MAP4: variants seen among roughly 807,000 people sequenced by gnomAD.
The protein encoded by MAP4 is microtubule associated protein 4, also known as microtubule-associated protein 4.
Under a neutral mutation model 170.2 loss-of-function variants are expected in MAP4, and 76 were observed. The observed-to-expected ratio is 0.45, with a 90% CI of 0.37 to 0.54. The LOEUF is 0.54. Among genes scored for constraint, MAP4 ranks in the 20% least tolerant of loss-of-function variants. The pLI, the probability that MAP4 is intolerant of heterozygous loss-of-function variation, is 0.00. For synonymous variants in MAP4, 909 were observed against 994.5 expected, an observed-to-expected ratio of 0.91 and a Z score of 1.62; for missense variants, 2,506 against 2,748.0, an observed-to-expected ratio of 0.91 and a Z score of 1.97.
intron 1 of MAP4, among the ~76,000 whole-genome samples, chr3:48,041,635 A>G (rs2100121680): frequency 6.6e-6 from 1 of 152,174 alleles, no homozygotes; most frequent in Admixed American, 6.5e-5. Context: ...ACTTGAGCCC[A>G]GGAGTTCAAG....
At chr3:48,068,601 G>A (rs1324694657) in intron 1 of MAP4, among the ~76,000 whole-genome samples, 8 of 152,218 alleles carry the variant, frequency 5.3e-5, no homozygotes, top group Admixed American at 2.0e-4. Flanking sequence ...CGGCCAACAC[G>A]GTGAAATCCC....
intron 9 of MAP4, among the ~76,000 whole-genome samples, chr3:47,905,859 T>C (rs1442336456): frequency 4.6e-5 from 7 of 152,018 alleles, no homozygotes; most frequent in Non-Finnish European, 7.4e-5. Flanking sequence ...CTGAGCGTGG[T>C]GGTAGGCACC....
intron 1 of MAP4, among the ~76,000 whole-genome samples, chr3:48,062,021 G>A (rs1221907192): frequency 2.0e-5 from 3 of 152,206 alleles, no homozygotes; most frequent in African/African-American, 4.8e-5. Flanking sequence ...CACTGGGAAC[G>A]GGCCATGATG....
At chr3:47,856,122 T>C (rs1402769005) in intron 18 of MAP4, among the ~76,000 whole-genome samples, 1 of 152,178 alleles carries the variant, frequency 6.6e-6, no homozygotes, top group Non-Finnish European at 1.5e-5. Context: ...CGGGACGAGC[T>C]GCCCTCAATG....
At chr3:47,869,159 G>A in intron 16 of MAP4, 55 bp downstream of exon 16, 1 of 1,344,884 alleles carries the variant, frequency 7.4e-7, no homozygotes, top group East Asian at 2.3e-5. Context: ...GGCTCAGGCT[G>A]GAAGAAGTAT....
At chr3:48,061,361 T>C (rs1205803300) in intron 1 of MAP4, among the ~76,000 whole-genome samples, 1 of 151,882 alleles carries the variant, frequency 6.6e-6, no homozygotes, top group African/African-American at 2.4e-5. Flanking sequence ...CCTGACCGGT[T>C]TTCGTATTTT....
intron 1 of MAP4, among the ~76,000 whole-genome samples, chr3:48,063,655 T>C (rs1195318899): frequency 2.0e-5 from 3 of 151,982 alleles, no homozygotes; most frequent in African/African-American, 4.8e-5. Flanking sequence ...AATGGAATAC[T>C]ATTCAGCAAT....
At chr3:47,876,935 G>A (rs578051316) in intron 11 of MAP4, 4 of 149,924 alleles carry the variant, frequency 2.7e-5, no homozygotes, top group East Asian at 3.9e-4. Flanking sequence ...GGAGCCCAGT[G>A]CAGTGGCATG....
At chr3:48,007,627 C>A (rs979789011) in intron 1 of MAP4, among the ~76,000 whole-genome samples, 1 of 150,860 alleles carries the variant, frequency 6.6e-6, no homozygotes, top group Non-Finnish European at 1.5e-5. Flanking sequence ...ATGGAGACTT[C>A]TAGGATTTTG....
intron 10 of MAP4, among the ~76,000 whole-genome samples, chr3:47,878,948 A>G (rs1195891218): frequency 6.6e-6 from 1 of 152,248 alleles, no homozygotes; most frequent in Admixed American, 6.5e-5. Flanking sequence ...TATGACCCAT[A>G]GGCAGGGCTG....
At chr3:48,051,917 A>T (rs1029112873) in intron 1 of MAP4, among the ~76,000 whole-genome samples, 1 of 152,218 alleles carries the variant, frequency 6.6e-6, no homozygotes, top group Non-Finnish European at 1.5e-5. Context: ...TTGATCTTGC[A>T]ATTTGTTTAG....
chr3:47,998,913 A>G (rs1226658061), intron 1 of MAP4, 34 bp from the exon 2 acceptor site: 1 of 1,198,496 alleles, frequency 8.3e-7, no homozygotes, highest in African/African-American at 1.5e-5. Context: ...TCATGTAACG[A>G]GCACTGCAAA....
At chr3:47,891,524 G>GGGA (rs1559930317) in intron 10 of MAP4, 1 of 1,516,500 alleles carries the variant, frequency 6.6e-7, no homozygotes, top group Non-Finnish European at 8.8e-7. Context: ...TTCTCGGGCA[G>GGGA]GGAGTTCAGG....
chr3:48,071,640 A>T lies in MAP4; in HGVS notation c.-20+17133T>A, dbSNP rs570429348. On this transcript the variant is annotated intron_variant, in intron 1 of 18. Coordinates refer to the MAP4 transcript ENST00000360240. ...TAAATACTTCTAAATTCATGAAAAA[A>T]GTAGCCGGGTGCAGTCGCTCACACC... 6.6e-5 allele frequency among the ~76,000 whole-genome samples: 10 copies of T among 152,292 alleles called. No individual in the cohort carries two copies. In the East Asian group the frequency reaches 1.9e-3, roughly 29 times the overall value.
chr3:48,039,072 C>G (rs1489562292), intron 1 of MAP4, among the ~76,000 whole-genome samples: 1 of 152,036 alleles, frequency 6.6e-6, no homozygotes, highest in African/African-American at 2.4e-5. Flanking sequence ...CCACTGCACT[C>G]CAGCCTGGGA....
At chr3:47,925,887 G>T (rs1342605749) in intron 4 of MAP4, among the ~76,000 whole-genome samples, 3 of 152,110 alleles carry the variant, frequency 2.0e-5, no homozygotes, top group Non-Finnish European at 4.4e-5. Context: ...ACAGAGTTTC[G>T]CTCGTTGCCC....
At chr3:47,913,105 G>A (rs776330809) in intron 8 of MAP4, among the ~76,000 whole-genome samples, 5 of 152,120 alleles carry the variant, frequency 3.3e-5, no homozygotes, top group Non-Finnish European at 7.4e-5. Context: ...CCAAAAGACA[G>A]AGAAATATAT....
At chr3:48,079,875 G>T (rs568272593) in intron 1 of MAP4, among the ~76,000 whole-genome samples, 1 of 151,424 alleles carries the variant, frequency 6.6e-6, no homozygotes, top group Non-Finnish European at 1.5e-5. Flanking sequence ...GCGTGAACCC[G>T]GGAGGCGGAG....
chr3:47,985,814 T>C (rs1432637751), intron 2 of MAP4, among the ~76,000 whole-genome samples: 10 of 151,650 alleles, frequency 6.6e-5, no homozygotes, highest in African/African-American at 1.2e-4. Context: ...AAGAAAAAAA[T>C]GAGAAAGGAA....
Sources: allele counts gnomAD v4.1 joint callset (sites outside exome capture counted in the v4.1 genomes callset), GRCh38; gene constraint gnomAD v4.1.1; transcripts MANE v1.5; gene names NCBI Gene and HGNC (gene_info 2026-07-23, HGNC 2026-07-21).